KLHL18: variants seen among roughly 807,000 people sequenced by gnomAD.
KLHL18 encodes kelch like family member 18, also known as kelch-like protein 18.
KLHL18 carries 38 observed loss-of-function variants against 58.5 expected under a neutral mutation model. That is an observed-to-expected ratio of 0.65 (90% CI 0.50 to 0.85). The LOEUF is 0.85. Ranked by LOEUF, KLHL18 falls within the 40% of genes least tolerant of loss-of-function variation. KLHL18 has a pLI of 0.00. For synonymous variants in KLHL18, 303 were observed against 301.9 expected (o/e 1.00, Z -0.04); for missense variants, 624 against 778.4 (o/e 0.80, Z 2.36).
chr3:47,311,073 G>A (rs1364080644), intron 1 of KLHL18, among the ~76,000 whole-genome samples: 1 of 151,442 alleles, frequency 6.6e-6, no homozygotes, highest in Admixed American at 6.6e-5. Flanking sequence ...GCAGTGGCGC[G>A]ATCTTGGCTC....
chr3:47,327,096 G>C (rs967610862), intron 3 of KLHL18, among the ~76,000 whole-genome samples: 1 of 151,962 alleles, frequency 6.6e-6, no homozygotes, highest in South Asian at 2.1e-4. Flanking sequence ...AAAATGAGCC[G>C]GCCGTGGTGG....
chr3:47,313,572 A>G (rs1205272808), intron 1 of KLHL18, among the ~76,000 whole-genome samples: 2 of 152,166 alleles, frequency 1.3e-5, no homozygotes, highest in African/African-American at 2.4e-5. Context: ...TTGCAAAACT[A>G]TTAAGCCAGA....
In KLHL18 at chr3:47,322,619, C is replaced by G; in HGVS notation, c.312C>G (p.Asp104Glu). The change falls in exon 3 of 10, where the codon GAC becomes GAG. Residue 104 changes from aspartate to glutamate, a missense_variant. By Grantham distance (45) the Asp-to-Glu change is conservative. Transcript: ENST00000232766. Reference protein sequence around the residue: ...NFAYNGNLAIDQQNVQSLLMG... With the variant: ...NFAYNGNLAIEQQNVQSLLMG... The stretch of plus-strand genomic sequence containing the variant: ...CCTACAACGGCAACCTTGCCATTGA[C>G]CAGCAAAATGTCCAGTCATTGCTGA... 1 of 1,605,662 alleles carries G rather than the reference C, an allele frequency of 6.2e-7. No individual in the cohort carries two copies. The highest frequency in any genetic ancestry group is 1.7e-4 in the Middle Eastern group (1 of 5,928).
chr3:47,317,100 GCT>G (rs2107623987), intron 1 of KLHL18, among the ~76,000 whole-genome samples: 1 of 152,146 alleles, frequency 6.6e-6, no homozygotes, highest in East Asian at 1.9e-4. Flanking sequence ...TTCTTATGAG[GCT>G]CTACTAGAAG....
chr3:47,329,151 A>C (rs535677855), intron 3 of KLHL18, among the ~76,000 whole-genome samples: 2 of 11,954 alleles, frequency 1.7e-4, no homozygotes, highest in South Asian at 0.12. Context: ...AAAGGAAAAA[A>C]AAAGACAAGT....
intron 1 of KLHL18, among the ~76,000 whole-genome samples, chr3:47,310,227 GT>G (rs1703266514): frequency 6.6e-6 from 1 of 152,210 alleles, no homozygotes; most frequent in South Asian, 2.1e-4. Flanking sequence ...AACAGAATTT[GT>G]GTTGAGCAGC....
intron 1 of KLHL18, among the ~76,000 whole-genome samples, chr3:47,284,253 TCACA>T (rs142212788): frequency 5.4e-5 from 8 of 148,360 alleles, no homozygotes; most frequent in Non-Finnish European, 7.5e-5. Context: ...TCTGTCTCTC[TCACA>T]CACACACACA....
intron 1 of KLHL18, among the ~76,000 whole-genome samples, chr3:47,312,041 T>C (rs1675291041): frequency 6.6e-6 from 1 of 152,266 alleles, no homozygotes; most frequent in African/African-American, 2.4e-5. Flanking sequence ...TTGATCTTTT[T>C]TTCTTAGAAG....
chr3:47,343,060 C>G (rs1470011946), intron 9 of KLHL18, among the ~76,000 whole-genome samples: 1 of 152,222 alleles, frequency 6.6e-6, no homozygotes, highest in Non-Finnish European at 1.5e-5. Flanking sequence ...CCACCCTGTT[C>G]TACTGTCTGT....
intron 1 of KLHL18, among the ~76,000 whole-genome samples, chr3:47,316,391 G>A (rs1703422316): frequency 6.6e-6 from 1 of 151,144 alleles, no homozygotes; most frequent in Non-Finnish European, 1.5e-5. Flanking sequence ...GAGAGGCTGA[G>A]GTGGGAGGAT....
chr3:47,313,037 G>A (rs1044462141), intron 1 of KLHL18, among the ~76,000 whole-genome samples: 1 of 151,118 alleles, frequency 6.6e-6, no homozygotes, highest in Non-Finnish European at 1.5e-5. Flanking sequence ...AGCCTCCTGA[G>A]TAGCTGGGAC....
At chr3:47,302,057 C>T (rs775794173) in intron 1 of KLHL18, among the ~76,000 whole-genome samples, 1 of 152,172 alleles carries the variant, frequency 6.6e-6, no homozygotes, top group Non-Finnish European at 1.5e-5. Context: ...CTGCCTAGCC[C>T]CCTAAAGCAG....
At chr3:47,336,037 T>C (rs1703976347) in intron 6 of KLHL18, among the ~76,000 whole-genome samples, 1 of 152,236 alleles carries the variant, frequency 6.6e-6, no homozygotes, top group African/African-American at 2.4e-5. Context: ...CTTGCTACTA[T>C]GACTATTTAT....
intron 3 of KLHL18, among the ~76,000 whole-genome samples, chr3:47,329,077 C>T (rs1178749469): frequency 6.6e-6 from 1 of 151,408 alleles, no homozygotes; most frequent in Non-Finnish European, 1.5e-5. Flanking sequence ...TGATGTGAGC[C>T]GTGTTCACGC....
intron 1 of KLHL18, among the ~76,000 whole-genome samples, chr3:47,301,855 G>A (rs999519439): frequency 6.6e-6 from 1 of 152,098 alleles, no homozygotes; most frequent in African/African-American, 2.4e-5. Flanking sequence ...GAGTGCAGTG[G>A]CATGATCATA....
intron 6 of KLHL18, among the ~76,000 whole-genome samples, chr3:47,335,535 G>A (rs1157250799): frequency 1.3e-5 from 2 of 152,024 alleles, no homozygotes; most frequent in Non-Finnish European, 2.9e-5. Flanking sequence ...GAGATGGAGT[G>A]TCACTCTTGT....
chr3:47,287,287 A>G (rs1042691486), intron 1 of KLHL18: 11 of 152,190 alleles, frequency 7.2e-5, no homozygotes, highest in Non-Finnish European at 1.6e-4. Flanking sequence ...CACACTGCCT[A>G]CGTTTGAGTT....
intron 1 of KLHL18, among the ~76,000 whole-genome samples, chr3:47,309,250 C>T (rs1329630377): frequency 6.6e-6 from 1 of 152,200 alleles, no homozygotes; most frequent in African/African-American, 2.4e-5. Context: ...AAACCGCCAT[C>T]GTCATCATGG....
chr3:47,336,457 A>G (rs1703986529), intron 6 of KLHL18, 78 bp from the exon 7 acceptor site: 3 of 1,248,692 alleles, frequency 2.4e-6, no homozygotes, highest in Non-Finnish European at 3.4e-6. Flanking sequence ...CGAATGTTCC[A>G]TATAATCAAT....
Sources: gnomAD v4.1 joint callset for allele counts (sites outside exome capture counted in the v4.1 genomes callset) on GRCh38, gnomAD v4.1.1 for gene constraint, MANE v1.5 for transcripts, NCBI Gene and HGNC (gene_info 2026-07-23, HGNC 2026-07-21) for gene names.